Variants in MED12L observed in about 807,000 individuals in gnomAD.
MED12L encodes mediator of RNA polymerase II transcription subunit 12-like protein.
Under a neutral mutation model 281.3 loss-of-function variants are expected in MED12L, and 60 were observed. The ratio of observed to expected loss-of-function variants is 0.21; its 90% CI spans 0.17 to 0.26. The LOEUF (loss-of-function observed/expected upper bound fraction) is 0.26. Ranked by LOEUF, MED12L falls within the 10% of genes least tolerant of loss-of-function variation. The pLI, the probability that MED12L is intolerant of heterozygous loss-of-function variation, is 1.00. For missense variants in MED12L, 2,146 were observed against 2,680.9 expected (o/e 0.80, Z 4.41); for synonymous variants, 974 against 987.2 (o/e 0.99, Z 0.25).
intron 38 of MED12L, among the ~76,000 whole-genome samples, chr3:151,391,683 A>C (rs1714251568): frequency 1.3e-5 from 2 of 152,230 alleles, no homozygotes; most frequent in Non-Finnish European, 2.9e-5. Context: ...CATGCAGCAC[A>C]CAAGCCATGA....
chr3:151,275,486 A>C (rs960247041), intron 16 of MED12L, among the ~76,000 whole-genome samples: 1 of 152,200 alleles, frequency 6.6e-6, no homozygotes, highest in Non-Finnish European at 1.5e-5. Context: ...ATACCGAGTA[A>C]AGACAAAAAT....
At chr3:151,276,229 T>C (rs1050322175) in intron 16 of MED12L, among the ~76,000 whole-genome samples, 1 of 152,246 alleles carries the variant, frequency 6.6e-6, no homozygotes, top group African/African-American at 2.4e-5. Flanking sequence ...CCATTGTTTC[T>C]GATTCTGTAG....
In MED12L at chr3:151,288,163, T is replaced by G. The variant is rs772303496; in HGVS notation, c.2251-61896T>G. ...ATTTGTTGATTTCAGGATATTTTCT[T>G]GTTGTCCCTATGTTCAGTGGCTGGG... On this transcript the variant is annotated intron_variant, in intron 16 of 44. Transcript: ENST00000687756. 2.0e-4 allele frequency among the ~76,000 whole-genome samples: 30 copies of G among 152,342 alleles called. 1 individual carries two copies. The highest frequency in any genetic ancestry group is 6.2e-4 in the South Asian group (3 of 4,826).
rs538020172 is a variant in MED12L, at chr3:151,321,795, T to G, written c.2251-28264T>G. Reference sequence around the variant, plus strand: ...ATTTCCTTTCTCTTTCATATTATCTTGCCTTTTTCTTTCCCTTTTATCACT... The same window carrying G: ...ATTTCCTTTCTCTTTCATATTATCTGGCCTTTTTCTTTCCCTTTTATCACT... On this transcript the variant is annotated intron_variant, in intron 16 of 44. Coordinates refer to ENST00000687756, the MANE Select transcript of MED12L (RefSeq NM_001393769.1). Among the ~76,000 whole-genome samples the G allele has an allele frequency of 6.9e-4, 105 of 152,310 alleles. 1 individual carries two copies. The highest frequency in any genetic ancestry group is 6.4e-3 in the South Asian group (31 of 4,828).
chr3:151,382,836 G>C, intron 33 of MED12L, 91 bp downstream of exon 33: 4 of 977,146 alleles, frequency 4.1e-6, no homozygotes, highest in South Asian at 3.1e-5. Context: ...TGCAAAGTCT[G>C]CATTACAAGG....
intron 3 of MED12L, among the ~76,000 whole-genome samples, chr3:151,117,779 C>G (rs1402731655): frequency 6.6e-6 from 1 of 151,544 alleles, no homozygotes; most frequent in African/African-American, 2.4e-5. Context: ...ATGTCTTTTT[C>G]TGTGTGTTTA....
chr3:151,150,472 G>A (rs77425881), intron 5 of MED12L, among the ~76,000 whole-genome samples: 33,402 of 151,954 alleles, frequency 0.22, 3,985 homozygotes, highest in African/African-American at 0.32. Context: ...GAGAACAGAC[G>A]GACTAGATTT....
intron 16 of MED12L, among the ~76,000 whole-genome samples, chr3:151,287,347 T>C (rs1743668529): frequency 6.6e-6 from 1 of 152,042 alleles, no homozygotes; most frequent in Non-Finnish European, 1.5e-5. Flanking sequence ...ACTGCTGGGG[T>C]TGAGCTACAG....
chr3:151,380,390 A>G (rs2108112079), intron 32 of MED12L, among the ~76,000 whole-genome samples, 166 bp downstream of exon 32: 1 of 152,302 alleles, frequency 6.6e-6, no homozygotes, highest in Admixed American at 6.5e-5. Flanking sequence ...TGAGGCCAGG[A>G]GTTCGAGACC....
Position 151,242,973 on chromosome 3 carries a change from A to G in MED12L, c.2250+49307A>G, listed in dbSNP as rs563257689. On this transcript the variant is annotated intron_variant, in intron 16 of 44. Coordinates refer to ENST00000687756, the MANE Select transcript of MED12L (RefSeq NM_001393769.1). ...CTCGAGAACTACGTGAAGAATGCAGAAGCCTCAGGAGCCCATGCGATCAAC... is the reference window on the plus strand; with the variant it reads ...CTCGAGAACTACGTGAAGAATGCAGGAGCCTCAGGAGCCCATGCGATCAAC... 5.3e-5 allele frequency among the ~76,000 whole-genome samples: 8 copies of G among 151,948 alleles called. No individual in the cohort carries two copies. The South Asian group carries it at 1.7e-3, about 32-fold the overall frequency.
chr3:151,307,701 T>C (rs1746896151), intron 16 of MED12L, among the ~76,000 whole-genome samples: 1 of 151,990 alleles, frequency 6.6e-6, no homozygotes, highest in African/African-American at 2.4e-5. Flanking sequence ...TTTTGACAAG[T>C]GAGGGAACTG....
At chr3:151,349,524 T>G (rs763903811) in intron 16 of MED12L, among the ~76,000 whole-genome samples, 1 of 152,128 alleles carries the variant, frequency 6.6e-6, no homozygotes, top group Non-Finnish European at 1.5e-5. Context: ...CCTCAAGAGA[T>G]CCTCCCACCT....
intron 11 of MED12L, 131 bp downstream of exon 11, chr3:151,166,113 A>C: frequency 1.5e-6 from 1 of 686,632 alleles, no homozygotes; most frequent in Non-Finnish European, 2.3e-6. Context: ...CACACTTGAA[A>C]TCATTCTATT....
chr3:151,308,817 C>T (rs564173494), intron 16 of MED12L, among the ~76,000 whole-genome samples: 1 of 152,282 alleles, frequency 6.6e-6, no homozygotes, highest in African/African-American at 2.4e-5. Flanking sequence ...GAACTGTTGT[C>T]AGGTTAGCTA....
chr3:151,350,973 G>C (rs868347213), intron 17 of MED12L, among the ~76,000 whole-genome samples: 1 of 152,126 alleles, frequency 6.6e-6, no homozygotes, highest in South Asian at 2.1e-4. Flanking sequence ...TAGGTATCCT[G>C]CTACCACCAC....
chr3:151,143,108 G>T (rs1388485124), intron 5 of MED12L, among the ~76,000 whole-genome samples: 1 of 152,232 alleles, frequency 6.6e-6, no homozygotes, highest in Non-Finnish European at 1.5e-5. Context: ...ACAGGAGTGA[G>T]TTCCGGAGCA....
chr3:151,388,304 T>C (rs1237606959), intron 37 of MED12L, 132 bp downstream of exon 37: 8 of 1,126,900 alleles, frequency 7.1e-6, no homozygotes, highest in Non-Finnish European at 9.8e-6. Flanking sequence ...CCTAACAGGT[T>C]TCTGCATTAA....
intron 16 of MED12L, among the ~76,000 whole-genome samples, chr3:151,297,212 C>T (rs1444938515): frequency 6.6e-6 from 1 of 152,170 alleles, no homozygotes; most frequent in African/African-American, 2.4e-5. Flanking sequence ...TGTAATATTT[C>T]CTTGTACAGT....
At chr3:151,123,120 A>G in intron 4 of MED12L, 146 bp downstream of exon 4, 1 of 633,198 alleles carries the variant, frequency 1.6e-6, no homozygotes. Flanking sequence ...GTGTTACTCC[A>G]TGCTGTTTTC....
Sources: allele counts gnomAD v4.1 joint callset (sites outside exome capture counted in the v4.1 genomes callset), GRCh38; gene constraint gnomAD v4.1.1; transcripts MANE v1.5; gene names NCBI Gene and HGNC (gene_info 2026-07-23, HGNC 2026-07-21).